The following PROC variants were observed in gnomAD, a reference collection of about 807,000 sequenced individuals.
PROC encodes protein C, inactivator of coagulation factors Va and VIIIa.
A neutral mutation model predicts 36.3 loss-of-function variants in PROC; 22 were observed. That is an observed-to-expected ratio of 0.61 (90% CI 0.43 to 0.86). The LOEUF (loss-of-function observed/expected upper bound fraction) is 0.86, where lower values mean the gene tolerates loss of function less well. PROC is among the 40% of genes least tolerant of loss of function. The pLI, the probability that PROC is intolerant of heterozygous loss-of-function variation, is 0.00. For synonymous variants in PROC, 218 were observed against 244.5 expected (o/e 0.89, Z 1.01); for missense variants, 526 against 629.7 (o/e 0.84, Z 1.76).
rs750558175 is a variant in PROC, at chr2:127,426,057, G to A, written c.536-28G>A. 1.1e-5 allele frequency: 18 copies of A among 1,613,652 alleles called. No homozygotes were observed. Among genetic ancestry groups the A allele is most frequent in the Admixed American group, 1.7e-5 (1 of 60,004 alleles). ...GCAGTCTCGGGAGGAGTGCCTGGCA[G>A]GCCCCTCACCACCTCTGCCTACCTC... On this transcript the variant is annotated intron_variant, in intron 6 of 8. Transcript: ENST00000234071. The surrounding 1 kb of genome is among the most constrained non-coding windows in gnomAD (Gnocchi z 7.0).
chr2:127,423,658 GC>G (rs2069922), intron 6 of PROC: 361,249 of 530,312 alleles, frequency 0.68, 124,764 homozygotes, highest in Admixed American at 0.77. Context: ...TCCTCCGGGC[GC>G]CCCCTGCGCA....
intron 8 of PROC, among the ~76,000 whole-genome samples, chr2:127,427,619 C>T (rs1688599179): frequency 6.6e-6 from 1 of 152,132 alleles, no homozygotes; most frequent in Non-Finnish European, 1.5e-5. Flanking sequence ...TGGAGCTGTA[C>T]AGAGGGAGCC....
chr2:127,421,915 A>G (rs1403780015), intron 3 of PROC, among the ~76,000 whole-genome samples: 5 of 152,204 alleles, frequency 3.3e-5, no homozygotes, highest in Non-Finnish European at 5.9e-5. Flanking sequence ...GTCGGAAGAC[A>G]GGGTCTGTGT....
rs752290840 is a variant in PROC, at chr2:127,428,372, G to T, written c.812G>T (p.Arg271Leu). The change falls in exon 9 of 9, where the codon CGG becomes CTG. Residue 271 changes from arginine to leucine, a missense_variant. Physicochemically the swap from Arg to Leu is moderately radical, Grantham distance 102. Transcript: ENST00000234071. Reference protein sequence around the residue: ...LLVRLGEYDLRRWEKWELDLD... With the variant: ...LLVRLGEYDLLRWEKWELDLD... Reference sequence around the variant, plus strand: ...TGCCCTGCAGGAGAGTATGACCTGCGGCGCTGGGAGAAGTGGGAGCTGGAC... The same window carrying T: ...TGCCCTGCAGGAGAGTATGACCTGCTGCGCTGGGAGAAGTGGGAGCTGGAC... The T allele has an allele frequency of 6.2e-7, 1 of 1,614,004 alleles. No homozygotes were observed. The highest frequency in any genetic ancestry group is 1.1e-5 in the South Asian group (1 of 91,082).
In PROC at chr2:127,418,476, CT is replaced by C; in HGVS notation, c.-37del. ...CGGCAGGACGGCGAACTTGCAGTATCTCCACGACCCGCCCCTGTGAGTCCCC... is the reference window on the plus strand; with the variant it reads ...CGGCAGGACGGCGAACTTGCAGTATCCCACGACCCGCCCCTGTGAGTCCCC... On this transcript the variant is annotated 5_prime_UTR_variant, in exon 1 of 9. Coordinates refer to ENST00000234071, the MANE Select transcript of PROC (RefSeq NM_000312.4). The surrounding 1 kb of genome is among the most constrained non-coding windows in gnomAD (Gnocchi z 4.8). The C allele has an allele frequency of 7.8e-7, 1 of 1,289,824 alleles. No homozygotes were observed. Among genetic ancestry groups the C allele is most frequent in the Non-Finnish European group, 1.0e-6 (1 of 988,866 alleles). The allele number at this position is 1,289,824 out of a possible 1,614,324, so 79.9% of individuals were successfully genotyped here.
chr2:127,421,546 C>T (rs1688092976), intron 3 of PROC, 97 bp downstream of exon 3: 1 of 1,443,482 alleles, frequency 6.9e-7, no homozygotes, highest in Non-Finnish European at 9.6e-7. Flanking sequence ...CTGAGGCCCT[C>T]TTAGGAGTTG....
intron 3 of PROC, 26 bp from the exon 4 acceptor site, chr2:127,422,891 C>T (rs1422186419): frequency 3.2e-6 from 5 of 1,552,496 alleles, no homozygotes; most frequent in African/African-American, 2.7e-5. Context: ...GCTGCAGGAG[C>T]CTGACGCTGC....
rs773761677 is a variant in PROC, at chr2:127,428,444, C to T, written c.884C>T (p.Thr295Ile). 2 of 1,614,086 alleles carry T rather than the reference C, an allele frequency of 1.2e-6. No homozygotes were observed. The highest frequency in any genetic ancestry group is 1.7e-6 in the Non-Finnish European group (2 of 1,180,052). The change falls in exon 9 of 9, where the codon ACC becomes ATC. Residue 295 changes from threonine (T) to isoleucine (I), a missense_variant. Coordinates refer to ENST00000234071, the MANE Select transcript of PROC (RefSeq NM_000312.4). ...VFVHPNYSKS[T>I]TDNDIALLHL... ...GTCCACCCCAACTACAGCAAGAGCA[C>T]CACCGACAATGACATCGCACTGCTG... is the stretch of plus-strand genomic sequence containing the variant.
intron 6 of PROC, among the ~76,000 whole-genome samples, chr2:127,425,338 C>G (rs1688418993): frequency 6.6e-6 from 1 of 152,202 alleles, no homozygotes; most frequent in Non-Finnish European, 1.5e-5. Flanking sequence ...TGCAGCTCCC[C>G]TGCTGACGAC....
At chr2:127,423,013 C>G (rs546620534) in intron 4 of PROC, 21 bp from the exon 5 acceptor site, 22 of 1,612,554 alleles carry the variant, frequency 1.4e-5, no homozygotes, top group Middle Eastern at 3.3e-4. Context: ...CGCTGACCCC[C>G]TACCCCGCCT....
rs774584131 is a variant in PROC, at chr2:127,427,154, T to C, written c.728T>C (p.Ile243Thr). 8 of 1,613,692 alleles carry C rather than the reference T, an allele frequency of 5.0e-6. No individual in the cohort carries two copies. Among genetic ancestry groups the C allele is most frequent in the African/African-American group, 1.3e-5 (1 of 74,932 alleles). Residue 243 changes from isoleucine (I) to threonine (T), a missense_variant, in exon 8 of 9, where the codon ATC becomes ACC. Coordinates refer to ENST00000234071, the MANE Select transcript of PROC (RefSeq NM_000312.4). ...KKKLACGAVL[I>T]HPSWVLTAAH... ...AAGCTGGCCTGCGGGGCAGTGCTCATCCACCCCTCCTGGGTGCTGACAGCG... is the reference window on the plus strand; with the variant it reads ...AAGCTGGCCTGCGGGGCAGTGCTCACCCACCCCTCCTGGGTGCTGACAGCG...
chr2:127,423,114 A>G lies in PROC; in HGVS notation c.343A>G (p.Ile115Val), dbSNP rs201563330. The G allele has an allele frequency of 2.5e-6, 4 of 1,608,394 alleles. No homozygotes were observed. The highest frequency in any genetic ancestry group is 2.5e-6 in the Non-Finnish European group (3 of 1,177,670). The change falls in exon 5 of 9, where the codon ATC becomes GTC. Residue 115 changes from isoleucine to valine, a missense_variant. Coordinates refer to ENST00000234071, the MANE Select transcript of PROC (RefSeq NM_000312.4). ...CCGHGTCIDG[I>V]GSFSCDCRSG... The stretch of plus-strand genomic sequence containing the variant: ...CGGGCACGGCACGTGCATCGACGGC[A>G]TCGGCAGCTTCAGCTGCGACTGCCG...
chr2:127,425,513 G>T (rs557082006), intron 6 of PROC, among the ~76,000 whole-genome samples: 8 of 152,306 alleles, frequency 5.3e-5, no homozygotes, highest in African/African-American at 1.9e-4. Flanking sequence ...AGCTCTCCAA[G>T]AATGCTCACC....
In PROC at chr2:127,428,949, A is replaced by AC; in HGVS notation, c.*6dup. On this transcript the variant is annotated 3_prime_UTR_variant, in exon 9 of 9. Transcript: ENST00000234071. Reference sequence around the variant, plus strand: ...CCCAGAAGAGCTGGGCACCTTAGCGACCCTCCCTGCAGGGCTGGGCTTTTG... The same window carrying AC: ...CCCAGAAGAGCTGGGCACCTTAGCGACCCCTCCCTGCAGGGCTGGGCTTTTG... 1.2e-6 allele frequency: 2 copies of AC among 1,612,914 alleles called. No homozygotes were observed. The highest frequency in any genetic ancestry group is 1.7e-6 in the Non-Finnish European group (2 of 1,179,854).
At chr2:127,428,170 G>C (rs997689904) in intron 8 of PROC, among the ~76,000 whole-genome samples, 187 bp from the exon 9 acceptor site, 6 of 152,220 alleles carry the variant, frequency 3.9e-5, no homozygotes, top group Admixed American at 3.9e-4. Flanking sequence ...CCGTTGATAG[G>C]GTTCCACGGC....
chr2:127,420,098 C>T, intron 2 of PROC, 86 bp downstream of exon 2: 5 of 1,450,168 alleles, frequency 3.4e-6, no homozygotes, highest in South Asian at 1.2e-5. Flanking sequence ...ACAGCTTCCA[C>T]CATCTCTCTG....
At position 127,429,142 on chromosome 2, in the gene PROC, T is replaced by TG. The variant is rs1164051460; in HGVS notation, c.*200dup. 7 of 659,898 alleles carry TG rather than the reference T, an allele frequency of 1.1e-5. No homozygotes were observed. Among genetic ancestry groups the TG allele is most frequent in the Non-Finnish European group, 1.8e-5 (7 of 388,840 alleles). The allele number at this position is 659,898 out of a possible 1,614,324, so 40.9% of individuals were successfully genotyped here. ...AATCTTAACTCCTAGAGCAACTCTG[T>TG]GGGGTGGGGAGGAGCAGATCCAAGT... On this transcript the variant is annotated 3_prime_UTR_variant, in exon 9 of 9. Transcript: ENST00000234071.
rs1055268039 is a variant in PROC, at chr2:127,423,480, G to T, written c.535+72G>T. ...GTGGGCAGGCCCCCTGACGGGGCGCGGCGCGGGGGGCTCAGGAGGGTTTCT... is the reference window on the plus strand; with the variant it reads ...GTGGGCAGGCCCCCTGACGGGGCGCTGCGCGGGGGGCTCAGGAGGGTTTCT... On this transcript the variant is annotated intron_variant, in intron 6 of 8. Coordinates refer to ENST00000234071, the MANE Select transcript of PROC (RefSeq NM_000312.4). 3.7e-5 allele frequency: 56 copies of T among 1,516,204 alleles called. No homozygotes were observed. The African/African-American group carries it at 6.0e-4, about 16-fold the overall frequency. The allele number at this position is 1,516,204 out of a possible 1,614,324, so 93.9% of individuals were successfully genotyped here. A position where few individuals can be genotyped will look rare whatever the true frequency, so the allele number is the denominator to read the frequency against.
chr2:127,423,288 A>G lies in PROC; in HGVS notation c.415A>G (p.Asn139Asp), dbSNP rs780527584. Residue 139 changes from asparagine (N) to aspartate (D), a missense_variant, in exon 6 of 9, where the codon AAT becomes GAT. Asn to Asp is a conservative substitution (Grantham distance 23, BLOSUM62 1). Transcript: ENST00000234071. ...CCTGCCCGCAGAGGTGAGCTTCCTC[A>G]ATTGCTCGCTGGACAACGGCGGCTG... is the stretch of plus-strand genomic sequence containing the variant. The part of the protein sequence containing the change: ...RFCQREVSFL[N>D]CSLDNGGCTH... 1.3e-6 allele frequency: 2 copies of G among 1,549,550 alleles called. No homozygotes were observed. The highest frequency in any genetic ancestry group is 2.7e-5 in the African/African-American group (2 of 72,942).
Sources: allele counts gnomAD v4.1 joint callset (sites outside exome capture counted in the v4.1 genomes callset), GRCh38; gene constraint gnomAD v4.1.1; non-coding constraint Gnocchi (gnomAD v3.1); transcripts MANE v1.5; gene names NCBI Gene and HGNC (gene_info 2026-07-23, HGNC 2026-07-21).